TMEM175: variants seen among roughly 807,000 people sequenced by gnomAD.
TMEM175 encodes transmembrane protein 175.
A neutral mutation model predicts 36.5 loss-of-function variants in TMEM175; 36 were observed. The ratio of observed to expected loss-of-function variants is 0.99; its 90% CI spans 0.76 to 1.30. TMEM175 has a LOEUF of 1.30. Ranked by LOEUF, TMEM175 falls within the 50% of genes most tolerant of loss-of-function variation. TMEM175 has a pLI of 0.00. For synonymous variants in TMEM175, 339 were observed against 313.4 expected (o/e 1.08, Z -0.86); for missense variants, 705 against 692.8 (o/e 1.02, Z -0.20).
At chr4:953,852 G>A (rs896980713) in intron 8 of TMEM175, among the ~76,000 whole-genome samples, 1 of 152,018 alleles carries the variant, frequency 6.6e-6, no homozygotes, top group African/African-American at 2.4e-5. Context: ...CACCTGGGTA[G>A]TTTTGGTATT....
rs1441893574 is a variant in TMEM175, at chr4:947,299, C to T, written c.-31-410C>T. 4.7e-5 allele frequency among the ~76,000 whole-genome samples: 7 copies of T among 149,128 alleles called. No individual in the cohort carries two copies. The East Asian group carries it at 6.0e-4, about 13-fold the overall frequency. Reference sequence around the variant, plus strand: ...TGTAGAGAACAGACAGCCCCAGGCACGTGTGCACGGGCCCTGTAGAGAACA... The same window carrying T: ...TGTAGAGAACAGACAGCCCCAGGCATGTGTGCACGGGCCCTGTAGAGAACA... On this transcript the variant is annotated intron_variant, in intron 1 of 10. Coordinates refer to ENST00000264771, the MANE Select transcript of TMEM175 (RefSeq NM_032326.4).
chr4:954,215 C>T (rs999236227), intron 8 of TMEM175, among the ~76,000 whole-genome samples: 7 of 151,756 alleles, frequency 4.6e-5, no homozygotes, highest in African/African-American at 1.7e-4. Context: ...TCTCGAACTC[C>T]TGACCTTGTG....
Position 932,521 on chromosome 4 carries a change from C to A in TMEM175, c.-51C>A, listed in dbSNP as rs1056829941. 2.8e-5 allele frequency: 13 copies of A among 460,342 alleles called. No individual in the cohort carries two copies. The highest frequency in any genetic ancestry group is 4.5e-5 in the Non-Finnish European group (12 of 264,704). The allele number at this position is 460,342 out of a possible 1,614,324, so 28.5% of individuals were successfully genotyped here. ...CAAGCGGAGGCGCGCGGAACAGTCG[C>A]CGAGGCGATTCCCGCCCAGGTAGTT... is the stretch of plus-strand genomic sequence containing the variant. On this transcript the variant is annotated 5_prime_UTR_variant, in exon 1 of 11. Coordinates refer to ENST00000264771, the MANE Select transcript of TMEM175 (RefSeq NM_032326.4). The surrounding 1 kb of genome is among the most constrained non-coding windows in gnomAD (Gnocchi z 4.0).
rs758997521 is a variant in TMEM175, at chr4:957,996, C to T, written c.1015C>T (p.Arg339Trp). 40 of 1,612,744 alleles carry T rather than the reference C, an allele frequency of 2.5e-5. No individual in the cohort carries two copies. In the Admixed American group the frequency reaches 3.3e-4, roughly 13 times the overall value. ...SLFLHVRKAT[R>W]AMGLLNTLSL... ...CTTCCTGCATGTGCGCAAGGCCACG[C>T]GGGCCATGGGGCTGCTGAACACGCT... The change falls in exon 11 of 11, where the codon CGG becomes TGG. Residue 339 changes from arginine (R) to tryptophan (W), a missense_variant. Transcript: ENST00000264771.
intron 10 of TMEM175, 65 bp from the exon 11 acceptor site, chr4:957,759 C>T (rs1476819018): frequency 1.3e-5 from 20 of 1,500,504 alleles, no homozygotes; most frequent in East Asian, 2.3e-5. Flanking sequence ...GGCGCTCAGC[C>T]ACCCTGCTGG....
chr4:949,096 C>A (rs1015964294), intron 3 of TMEM175, among the ~76,000 whole-genome samples: 5 of 152,208 alleles, frequency 3.3e-5, no homozygotes, highest in African/African-American at 1.2e-4. Flanking sequence ...GCGTCCCCAC[C>A]GAGGCCCATG....
intron 1 of TMEM175, among the ~76,000 whole-genome samples, chr4:940,757 C>T (rs1727347382): frequency 6.6e-6 from 1 of 151,998 alleles, no homozygotes; most frequent in Non-Finnish European, 1.5e-5. Context: ...CCTGTAATCC[C>T]AGCATTTTGG....
Position 958,599 on chromosome 4 carries a change from T to C in TMEM175, c.*103T>C, listed in dbSNP as rs549814279. Reference sequence around the variant, plus strand: ...GTCACGGGCAGGCCGCAGTGGTTCTTGCGTGGCCTGGTTTTATTTTCATTG... The same window carrying C: ...GTCACGGGCAGGCCGCAGTGGTTCTCGCGTGGCCTGGTTTTATTTTCATTG... On this transcript the variant is annotated 3_prime_UTR_variant, in exon 11 of 11. Coordinates refer to ENST00000264771, the MANE Select transcript of TMEM175 (RefSeq NM_032326.4). 2.2e-6 allele frequency: 2 copies of C among 916,114 alleles called. No individual in the cohort carries two copies. The highest frequency in any genetic ancestry group is 5.5e-5 in the East Asian group (2 of 36,530). 56.7% of individuals were successfully genotyped at this position (916,114 alleles called of 1,614,324 possible).
intron 10 of TMEM175, 122 bp downstream of exon 10, chr4:956,012 C>A: frequency 7.7e-7 from 1 of 1,293,040 alleles, no homozygotes; most frequent in Non-Finnish European, 1.1e-6. Flanking sequence ...CTCTGGATGC[C>A]TAGAGTTTTG....
chr4:947,610 C>A, intron 1 of TMEM175, 99 bp from the exon 2 acceptor site: 1 of 903,110 alleles, frequency 1.1e-6, no homozygotes, highest in Non-Finnish European at 1.6e-6. Context: ...GGCCAAGCCC[C>A]CCCCCATACC....
chr4:948,022 G>A, intron 2 of TMEM175, 94 bp from the exon 3 acceptor site: 2 of 1,608,156 alleles, frequency 1.2e-6, no homozygotes, highest in Non-Finnish European at 1.7e-6. Context: ...GCTTAGGGGG[G>A]CCCAGCACTG....
chr4:958,192 C>CG lies in TMEM175; in HGVS notation c.1212dup (p.Leu405AlafsTer145). 1.2e-6 allele frequency: 2 copies of CG among 1,602,696 alleles called. No homozygotes were observed. Among genetic ancestry groups the CG allele is most frequent in the African/African-American group, 2.7e-5 (2 of 74,998 alleles). The stretch of plus-strand genomic sequence containing the variant: ...ACGGCGCTGCTGCACCAGGCGGAGA[C>CG]GCTGCAGCCCTCGGTGTGGTTTGGC... On this transcript the variant is annotated frameshift_variant, in exon 11 of 11. Coordinates refer to ENST00000264771, the MANE Select transcript of TMEM175 (RefSeq NM_032326.4). LOFTEE classifies it low-confidence loss of function (END_TRUNC).
chr4:951,075 T>G, intron 4 of TMEM175, 132 bp from the exon 5 acceptor site: 1 of 889,880 alleles, frequency 1.1e-6, no homozygotes, highest in Non-Finnish European at 1.8e-6. Context: ...GTGCACTAGG[T>G]AGTAGTTTAT....
intron 5 of TMEM175, 109 bp downstream of exon 5, chr4:951,367 C>G (rs1419718436): frequency 7.8e-7 from 1 of 1,275,432 alleles, no homozygotes; most frequent in Non-Finnish European, 1.1e-6. Context: ...CAGGGAGTCT[C>G]GGAGCCTGGA....
At chr4:957,455 G>T (rs1350704628) in intron 10 of TMEM175, among the ~76,000 whole-genome samples, 1 of 152,210 alleles carries the variant, frequency 6.6e-6, no homozygotes, top group East Asian at 1.9e-4. Flanking sequence ...AGGGCTGGAA[G>T]CTGGGAGGGA....
At chr4:955,562 G>A in intron 9 of TMEM175, 79 bp downstream of exon 9, 6 of 1,512,836 alleles carry the variant, frequency 4.0e-6, no homozygotes, top group Admixed American at 1.8e-5. Flanking sequence ...ACTGAGGGCT[G>A]TCCGTGGGCC....
In TMEM175 at chr4:948,018, G is replaced by A. The variant is rs530988179; in HGVS notation, c.154-98G>A. On this transcript the variant is annotated intron_variant, in intron 2 of 10. Transcript: ENST00000264771. ...TCCCCCAGCTCCTCAGGCAGCTTAG[G>A]GGGGCCCAGCACTGCCCTCGAGTCC... 22 of 1,611,516 alleles carry A rather than the reference G, an allele frequency of 1.4e-5. No individual in the cohort carries two copies. The East Asian group carries it at 4.7e-4, about 34-fold the overall frequency.
intron 1 of TMEM175, among the ~76,000 whole-genome samples, chr4:944,948 A>C (rs1486306597): frequency 6.6e-6 from 1 of 152,066 alleles, no homozygotes; most frequent in Non-Finnish European, 1.5e-5. Flanking sequence ...TGAAAAATAC[A>C]AAAAATTAGC....
rs544029682 is a variant in TMEM175, at chr4:948,756, C to T, written c.192+602C>T. The T allele has an allele frequency of 7.7e-5, 77 of 994,620 alleles. 1 individual carries two copies. The South Asian group carries it at 1.1e-3, about 14-fold the overall frequency. 61.6% of individuals were successfully genotyped at this position (994,620 alleles called of 1,614,324 possible). A position where few individuals can be genotyped will look rare whatever the true frequency, so the allele number is the denominator to read the frequency against. ...TGGCTCTGTGTCCTCATGACAGGGT[C>T]GTGCGGCCCAAGCTTCATGGGTGCG... On this transcript the variant is annotated intron_variant, in intron 3 of 10. Transcript: ENST00000264771.
Sources: allele counts gnomAD v4.1 joint callset (sites outside exome capture counted in the v4.1 genomes callset), GRCh38; gene constraint gnomAD v4.1.1; non-coding constraint Gnocchi (gnomAD v3.1); transcripts MANE v1.5; gene names NCBI Gene and HGNC (gene_info 2026-07-23, HGNC 2026-07-21).